Variants in CDH23 observed in about 807,000 individuals in gnomAD.
The protein encoded by CDH23 is cadherin-23.
In CDH23, 189 loss-of-function variants were observed where a neutral mutation model predicts 317.1. The observed-to-expected ratio is 0.60, with a 90% CI of 0.53 to 0.67. The LOEUF is 0.67. Among genes scored for constraint, CDH23 ranks in the 30% least tolerant of loss-of-function variants. CDH23 has a pLI of 0.00. For missense variants in CDH23, 4,401 were observed against 4,592.4 expected (o/e 0.96, Z 1.20); for synonymous variants, 1,839 against 1,876.8 (o/e 0.98, Z 0.52).
intron 28 of CDH23, among the ~76,000 whole-genome samples, chr10:71,723,469 C>T (rs971346324): frequency 6.6e-5 from 10 of 152,150 alleles, no homozygotes; most frequent in South Asian, 2.1e-4. Flanking sequence ...GTCGCAGCCA[C>T]GCCAGCCAGG....
intron 55 of CDH23, among the ~76,000 whole-genome samples, chr10:71,804,710 A>T (rs1009441356): frequency 1.3e-5 from 2 of 152,158 alleles, no homozygotes; most frequent in African/African-American, 4.8e-5. Context: ...GGATATCTCG[A>T]GTGACCCTGC....
Position 71,577,984 on chromosome 10 carries a change from T to C in CDH23, c.824T>C (p.Ile275Thr). Residue 275 changes from isoleucine to threonine, a missense_variant, in exon 9 of 70, where the codon ATC (isoleucine) becomes ACC (threonine). Ile to Thr is a moderately conservative substitution (Grantham distance 89, BLOSUM62 -1). Transcript: ENST00000224721. Reference sequence around the variant, plus strand: ...CGTCCCCGGGGCATTGGCTACACCATCGTTTCAGGTAAGACAGAAGGCTGC... The same window carrying C: ...CGTCCCCGGGGCATTGGCTACACCACCGTTTCAGGTAAGACAGAAGGCTGC... ...KGRPRGIGYT[I>T]VSGNTNSIFA... 4 of 1,598,834 alleles carry C rather than the reference T, an allele frequency of 2.5e-6. No homozygotes were observed. The South Asian group carries it at 4.5e-5, about 18-fold the overall frequency.
At chr10:71,580,505 C>A (rs1235633834) in intron 9 of CDH23, among the ~76,000 whole-genome samples, 1 of 152,196 alleles carries the variant, frequency 6.6e-6, no homozygotes, top group African/African-American at 2.4e-5. Flanking sequence ...AAATGGGTTA[C>A]CTCTCACATG....
At chr10:71,705,539 C>G (rs1865754359) in intron 25 of CDH23, among the ~76,000 whole-genome samples, 1 of 152,100 alleles carries the variant, frequency 6.6e-6, no homozygotes, top group South Asian at 2.1e-4. Flanking sequence ...AGGAGACCTC[C>G]CCCTCCCATG....
At chr10:71,470,359 C>G (rs1294550477) in intron 3 of CDH23, among the ~76,000 whole-genome samples, 1 of 152,220 alleles carries the variant, frequency 6.6e-6, no homozygotes, top group African/African-American at 2.4e-5. Context: ...CAGTGTTGTG[C>G]AACCATCACC....
chr10:71,744,436 G>A (rs1300169114), intron 38 of CDH23, among the ~76,000 whole-genome samples: 1 of 152,180 alleles, frequency 6.6e-6, no homozygotes, highest in East Asian at 1.9e-4. Flanking sequence ...TTGAAGAAAT[G>A]GAAAATCACC....
chr10:71,657,975 A>C (rs1400186624), intron 14 of CDH23, among the ~76,000 whole-genome samples: 1 of 152,190 alleles, frequency 6.6e-6, no homozygotes, highest in African/African-American at 2.4e-5. Flanking sequence ...CCCTGCCCCC[A>C]GGCTGGCCTG....
intron 1 of CDH23, among the ~76,000 whole-genome samples, chr10:71,407,351 C>T (rs1848139625): frequency 6.6e-6 from 1 of 152,274 alleles, no homozygotes; most frequent in African/African-American, 2.4e-5. Context: ...TATAATTGAT[C>T]CTGGGCTGAG....
chr10:71,455,662 G>A (rs2132046584), intron 3 of CDH23, among the ~76,000 whole-genome samples: 1 of 152,258 alleles, frequency 6.6e-6, no homozygotes, highest in South Asian at 2.1e-4. Flanking sequence ...AATATATACA[G>A]TATGTTCAAT....
At chr10:71,456,762 G>A (rs76255503) in intron 3 of CDH23, among the ~76,000 whole-genome samples, 185 of 152,308 alleles carry the variant, frequency 1.2e-3, no homozygotes, top group African/African-American at 4.1e-3. Context: ...ACATTGCTTC[G>A]TTGAATTCTA....
At chr10:71,438,483 C>T (rs1849724397) in intron 1 of CDH23, among the ~76,000 whole-genome samples, 1 of 152,034 alleles carries the variant, frequency 6.6e-6, no homozygotes, top group Admixed American at 6.5e-5. Flanking sequence ...CAAAAGGGGA[C>T]TGTTGTATGT....
In CDH23 at chr10:71,695,150, G is replaced by A. The variant is rs3752754; in HGVS notation, c.2290-268G>A. On this transcript the variant is annotated intron_variant, in intron 21 of 69. Coordinates refer to ENST00000224721, the MANE Select transcript of CDH23 (RefSeq NM_022124.6). Reference sequence around the variant, plus strand: ...AAGACTGGAGGCAGGGATGGGGGAAGCCCCAGGTCACAGCAAGGATTTCAG... The same window carrying A: ...AAGACTGGAGGCAGGGATGGGGGAAACCCCAGGTCACAGCAAGGATTTCAG... Among the ~76,000 whole-genome samples the A allele has an allele frequency of 0.62, 93,551 of 151,884 alleles. 29,129 individuals carry two copies. The highest frequency in any genetic ancestry group is 0.67 in the Non-Finnish European group (45,786 of 67,928).
intron 1 of CDH23, among the ~76,000 whole-genome samples, chr10:71,406,818 C>T (rs1163023046): frequency 6.6e-6 from 1 of 152,182 alleles, no homozygotes; most frequent in Non-Finnish European, 1.5e-5. Flanking sequence ...GTGGCCCCTA[C>T]CCTTGTGAAG....
chr10:71,659,166 G>T (rs1235996625), intron 14 of CDH23, among the ~76,000 whole-genome samples: 1 of 152,208 alleles, frequency 6.6e-6, no homozygotes, highest in Non-Finnish European at 1.5e-5. Flanking sequence ...CCAGAGCGAA[G>T]ACAATGGACC....
At chr10:71,459,129 C>T (rs1247210087) in intron 3 of CDH23, among the ~76,000 whole-genome samples, 1 of 130,784 alleles carries the variant, frequency 7.6e-6, no homozygotes, top group Non-Finnish European at 1.6e-5. Flanking sequence ...GCTCTGTCAC[C>T]GAGGCTGGCA....
chr10:71,446,247 T>C, intron 2 of CDH23, 71 bp from the exon 3 acceptor site: 1 of 1,429,508 alleles, frequency 7.0e-7, no homozygotes, highest in East Asian at 2.3e-5. Context: ...GCCCTCACCC[T>C]GTGTCACCTT....
Position 71,803,216 on chromosome 10 carries a change from C to T in CDH23, c.7668C>T (p.Phe2556=), listed in dbSNP as rs758873083. ...TCCTGCTCCCACTGCCAGAGGCCTTCCATGTGGACATGGACTCGGGCTTGG... is the reference window on the plus strand; with the variant it reads ...TCCTGCTCCCACTGCCAGAGGCCTTTCATGTGGACATGGACTCGGGCTTGG... ...YSLEGPGVEA[F]HVDMDSGLVT... The change falls in exon 55 of 70, where the codon TTC becomes TTT. Residue 2556 remains phenylalanine (F), a synonymous_variant. Coordinates refer to ENST00000224721, the MANE Select transcript of CDH23 (RefSeq NM_022124.6). The T allele has an allele frequency of 6.2e-6, 10 of 1,606,852 alleles. No homozygotes were observed. Among genetic ancestry groups the T allele is most frequent in the Non-Finnish European group, 7.7e-6 (9 of 1,176,306 alleles).
intron 14 of CDH23, among the ~76,000 whole-genome samples, chr10:71,664,575 G>A (rs1863807360): frequency 6.6e-6 from 1 of 152,178 alleles, no homozygotes; most frequent in Non-Finnish European, 1.5e-5. Context: ...GCAGAGGGCT[G>A]GACAAAGAGA....
rs757587541 is a variant in CDH23 at position 71,803,211 on chromosome 10, G to A, written c.7663G>A (p.Ala2555Thr). ...TACTCTCCTGCTCCCACTGCCAGAG[G>A]CCTTCCATGTGGACATGGACTCGGG... ...TYSLEGPGVE[A>T]FHVDMDSGLV... The change falls in exon 55 of 70, where the codon GCC (alanine) becomes ACC (threonine). Residue 2555 changes from alanine to threonine, a missense_variant and splice_region_variant. Physicochemically the swap from Ala to Thr is moderately conservative, Grantham distance 58. Around this residue, in one of 3 missense-constraint regions of CDH23, gnomAD observed 1,144 missense variants for 1,138.2 expected, o/e 1.01. Coordinates refer to ENST00000224721, the MANE Select transcript of CDH23 (RefSeq NM_022124.6). 6.2e-7 allele frequency: 1 copy of A among 1,607,350 alleles called. No individual in the cohort carries two copies. Among genetic ancestry groups the A allele is most frequent in the East Asian group, 2.2e-5 (1 of 44,614 alleles).
Sources: allele counts gnomAD v4.1 joint callset (sites outside exome capture counted in the v4.1 genomes callset), GRCh38; gene constraint gnomAD v4.1.1; regional missense constraint gnomAD v4.1.1; transcripts MANE v1.5; gene names NCBI Gene and HGNC (gene_info 2026-07-23, HGNC 2026-07-21).